Variants in PTPN2 observed in about 807,000 individuals in gnomAD.
The protein encoded by PTPN2 is tyrosine-protein phosphatase non-receptor type 2.
PTPN2 carries 19 observed loss-of-function variants against 57.3 expected under a neutral mutation model. The ratio of observed to expected loss-of-function variants is 0.33; its 90% CI spans 0.23 to 0.49. The LOEUF is 0.49. PTPN2 is among the 20% of genes least tolerant of loss of function. The probability of loss-of-function intolerance (pLI) is 0.99; values close to 1 mark genes in which losing one functional copy is unlikely to be tolerated. For missense variants in PTPN2, 358 were observed against 501.1 expected (o/e 0.71, Z 2.73); for synonymous variants, 153 against 164.9 (o/e 0.93, Z 0.55).
intron 4 of PTPN2, among the ~76,000 whole-genome samples, chr18:12,829,086 C>T (rs2042578249): frequency 6.6e-6 from 1 of 152,080 alleles, no homozygotes; most frequent in Admixed American, 6.5e-5. Context: ...TTTGTAGAGA[C>T]AGAGTTTCAC....
chr18:12,866,972 G>A (rs2044015867), intron 1 of PTPN2, among the ~76,000 whole-genome samples: 1 of 151,216 alleles, frequency 6.6e-6, no homozygotes, highest in South Asian at 2.1e-4. Flanking sequence ...GCCACTCACT[G>A]CATTCCAGCC....
At chr18:12,825,167 ATGTG>A (rs946717948) in intron 5 of PTPN2, among the ~76,000 whole-genome samples, 1 of 152,154 alleles carries the variant, frequency 6.6e-6, no homozygotes, top group Non-Finnish European at 1.5e-5. Flanking sequence ...ACATTTATAC[ATGTG>A]TGTGTATGTA....
intron 7 of PTPN2, 140 bp from the exon 8 acceptor site, chr18:12,802,291 G>A (rs965749266): frequency 5.8e-6 from 4 of 685,504 alleles, no homozygotes; most frequent in Non-Finnish European, 9.2e-6. Context: ...AAAGAAAAAG[G>A]CATTTTGCCA....
At chr18:12,821,945 T>C (rs868234058) in intron 5 of PTPN2, among the ~76,000 whole-genome samples, 1 of 150,358 alleles carries the variant, frequency 6.7e-6, no homozygotes, top group Non-Finnish European at 1.5e-5. Context: ...GGCGGGGGGG[T>C]ACCAAGGCAG....
At chr18:12,807,586 A>AAAAAAAAAAATATATAT in intron 7 of PTPN2, among the ~76,000 whole-genome samples, 3 of 35,200 alleles carry the variant, frequency 8.5e-5, no homozygotes, top group Admixed American at 1.1e-3. Flanking sequence ...AAAAAAAAAA[A>AAAAAAAAAAATATATAT]ATATATATAT....
chr18:12,868,037 A>T (rs911469496), intron 1 of PTPN2, among the ~76,000 whole-genome samples: 20 of 152,146 alleles, frequency 1.3e-4, no homozygotes, highest in African/African-American at 9.7e-5. Context: ...GGCCGCTTAC[A>T]CTGTTCACTA....
intron 4 of PTPN2, among the ~76,000 whole-genome samples, chr18:12,830,312 T>A (rs989432645): frequency 6.6e-6 from 1 of 152,072 alleles, no homozygotes; most frequent in African/African-American, 2.4e-5. Context: ...TTTGTATTTT[T>A]AGTAGAGACG....
At chr18:12,824,529 A>G (rs2042379022) in intron 5 of PTPN2, among the ~76,000 whole-genome samples, 1 of 152,216 alleles carries the variant, frequency 6.6e-6, no homozygotes, top group Admixed American at 6.5e-5. Flanking sequence ...TCACTTATAG[A>G]CTACATACAT....
intron 4 of PTPN2, among the ~76,000 whole-genome samples, chr18:12,827,395 A>T (rs1568119930): frequency 2.1e-5 from 3 of 144,682 alleles, no homozygotes; most frequent in African/African-American, 5.1e-5. Context: ...AAAATAAATA[A>T]TTTTTTTTTT....
chr18:12,840,659 G>A (rs963652013), intron 2 of PTPN2: 1 of 1,575,088 alleles, frequency 6.3e-7, no homozygotes, highest in Non-Finnish European at 8.6e-7. Flanking sequence ...CATCACAAGT[G>A]TAACACACTA....
chr18:12,787,903 G>A (rs2040881373), downstream of PTPN2, among the ~76,000 whole-genome samples: 1 of 152,198 alleles, frequency 6.6e-6, no homozygotes, highest in South Asian at 2.1e-4. Flanking sequence ...TGTGGACAGA[G>A]GGTCCACTAC....
chr18:12,883,901 A>T (rs1182117221), intron 1 of PTPN2, 172 bp downstream of exon 1: 1 of 471,394 alleles, frequency 2.1e-6, no homozygotes, highest in African/African-American at 2.2e-5. Flanking sequence ...AACCAAAAGG[A>T]GCAAGAGAGC....
intron 1 of PTPN2, chr18:12,864,231 G>C (rs1264379916): frequency 6.6e-6 from 1 of 150,768 alleles, no homozygotes; most frequent in East Asian, 1.9e-4. Flanking sequence ...TAGCTCCTTA[G>C]CTGTATTTGA....
intron 4 of PTPN2, among the ~76,000 whole-genome samples, chr18:12,829,142 C>T (rs780598403): frequency 6.6e-5 from 10 of 152,144 alleles, no homozygotes; most frequent in Non-Finnish European, 1.2e-4. Flanking sequence ...AAGCGATCCA[C>T]CCAACTCAGC....
intron 2 of PTPN2, chr18:12,840,958 G>C: frequency 4.8e-6 from 7 of 1,463,058 alleles, no homozygotes; most frequent in Non-Finnish European, 5.4e-6. Context: ...TCCCTGCATT[G>C]AATACTTTCA....
intron 1 of PTPN2, among the ~76,000 whole-genome samples, chr18:12,864,552 C>A (rs201284481): frequency 2.2e-4 from 34 of 152,042 alleles, no homozygotes; most frequent in African/African-American, 6.8e-4. Flanking sequence ...CCCGCCACCA[C>A]GCCCGGCTAA....
At chr18:12,868,911 G>C (rs2044089964) in intron 1 of PTPN2, 1 of 152,034 alleles carries the variant, frequency 6.6e-6, no homozygotes, top group Admixed American at 6.5e-5. Flanking sequence ...ACACTTTGCG[G>C]GGCCCAGGCA....
rs2145217392 is a variant in PTPN2, at chr18:12,794,067, T to C, written c.*211A>G. On this transcript the variant is annotated 3_prime_UTR_variant, in exon 9 of 9. Transcript: ENST00000309660. ...TTAACAAACATGAATGTCTTTATTTTAGACAGCCATTTACAGTTTGGGGTT... is the reference window on the plus strand; with the variant it reads ...TTAACAAACATGAATGTCTTTATTTCAGACAGCCATTTACAGTTTGGGGTT... 1 of 1,415,860 alleles carries C rather than the reference T, an allele frequency of 7.1e-7. No individual in the cohort carries two copies. The highest frequency in any genetic ancestry group is 2.6e-4 in the Middle Eastern group (1 of 3,826). The allele number at this position is 1,415,860 out of a possible 1,614,324, so 87.7% of individuals were successfully genotyped here.
chr18:12,865,585 G>C (rs528973274), intron 1 of PTPN2, among the ~76,000 whole-genome samples: 37 of 152,140 alleles, frequency 2.4e-4, no homozygotes, highest in South Asian at 1.2e-3. Flanking sequence ...GAGGTGGGCA[G>C]ATTGCCTGAG....
Sources: allele counts gnomAD v4.1 joint callset (sites outside exome capture counted in the v4.1 genomes callset), GRCh38; gene constraint gnomAD v4.1.1; transcripts MANE v1.5; gene names NCBI Gene and HGNC (gene_info 2026-07-23, HGNC 2026-07-21).